GLRX2: variants seen among roughly 807,000 people sequenced by gnomAD.
GLRX2 encodes the protein glutaredoxin 2.
A neutral mutation model predicts 16.4 loss-of-function variants in GLRX2; 12 were observed. The ratio of observed to expected loss-of-function variants is 0.73; its 90% CI spans 0.47 to 1.19. GLRX2 has a LOEUF of 1.19. GLRX2 is among the 50% of genes most tolerant of loss of function. The pLI is 0.00. For missense variants in GLRX2, 201 were observed against 201.8 expected (o/e 1.00, Z 0.02); for synonymous variants, 95 against 76.2 (o/e 1.25, Z -1.28).
intron 1 of GLRX2, among the ~76,000 whole-genome samples, chr1:193,101,606 C>A (rs1675078855): frequency 6.6e-6 from 1 of 152,178 alleles, no homozygotes; most frequent in Non-Finnish European, 1.5e-5. Flanking sequence ...AGCAGGGAAT[C>A]TTCAAAGATT....
chr1:193,105,787 C>T, upstream of GLRX2: 1 of 1,345,420 alleles, frequency 7.4e-7, no homozygotes, highest in Non-Finnish European at 9.5e-7. Context: ...AAAGTGGTGC[C>T]TCAGATGTTT....
Position 193,101,022 on chromosome 1 carries a change from C to A in GLRX2, c.183+119G>T. ...AGCAGATTTTAAAATAAATATTAAT[C>A]TCTTAATTCATTTGCTAAACTATCT... is the stretch of plus-strand genomic sequence containing the variant. On this transcript the variant is annotated intron_variant, in intron 2 of 3. Transcript: ENST00000367439. The A allele has an allele frequency of 4.2e-6, 3 of 720,324 alleles. No homozygotes were observed. In the East Asian group the frequency reaches 8.0e-5, roughly 19 times the overall value. The allele number at this position is 720,324 out of a possible 1,614,324, so 44.6% of individuals were successfully genotyped here.
chr1:193,101,657 C>G (rs1675079452), intron 1 of GLRX2, among the ~76,000 whole-genome samples: 1 of 152,218 alleles, frequency 6.6e-6, no homozygotes. Context: ...TGGGCCATAG[C>G]TCCAAATTTC....
In GLRX2 at chr1:193,096,644, T is replaced by C. The variant is rs1674964714; in HGVS notation, c.476A>G (p.Lys159Arg). Residue 159 changes from lysine (K) to arginine (R), a missense_variant, in exon 4 of 4, where the codon AAG (lysine) becomes AGG (arginine). By Grantham distance (26) the Lys-to-Arg change is conservative. Transcript: ENST00000367439. ...LVHQCYLKKS[K>R]RKEFQ ...TAAACATCACTGAAATTCTTTCCTC[T>C]TACTTTTTTTTAAATAACACTGATG... 1.3e-6 allele frequency: 2 copies of C among 1,589,356 alleles called. No individual in the cohort carries two copies. The highest frequency in any genetic ancestry group is 1.7e-6 in the Non-Finnish European group (2 of 1,159,532).
rs776030642 is a variant in GLRX2 at position 193,101,165 on chromosome 1, C to T, written c.159G>A (p.Ala53=). 8.7e-6 allele frequency: 14 copies of T among 1,611,670 alleles called. No individual in the cohort carries two copies. The highest frequency in any genetic ancestry group is 1.6e-4 in the Middle Eastern group (1 of 6,076). Residue 53 remains alanine (A), a synonymous_variant, in exon 2 of 4, where the codon GCG becomes GCA. Coordinates refer to ENST00000367439, the MANE Select transcript of GLRX2 (RefSeq NM_197962.3). ...SNTSSSLENL[A]TAPVNQIQET... ...CTTGGATCTGGTTCACAGGCGCCGT[C>T]GCTAAATTCTCCAAAGATGATGATG...
At chr1:193,101,327 T>A (rs552858842) in intron 1 of GLRX2, 123 bp from the exon 2 acceptor site, 30 of 670,958 alleles carry the variant, frequency 4.5e-5, no homozygotes, top group African/African-American at 9.1e-5. Flanking sequence ...TAGAAAAAAA[T>A]TTTACTTATT....
intron 2 of GLRX2, among the ~76,000 whole-genome samples, chr1:193,099,331 G>GT (rs1022892901): frequency 4.1e-4 from 62 of 151,414 alleles, no homozygotes; most frequent in African/African-American, 1.3e-3. Context: ...ATTTGTCTAG[G>GT]TTTTTTTTTG....
intron 2 of GLRX2, among the ~76,000 whole-genome samples, chr1:193,098,717 A>T (rs1572125672): frequency 6.6e-6 from 1 of 151,862 alleles, no homozygotes; most frequent in Non-Finnish European, 1.5e-5. Context: ...ACGGCCAGTT[A>T]ATTTTTGTTT....
At chr1:193,102,261 T>C (rs1558267977) in intron 1 of GLRX2, among the ~76,000 whole-genome samples, 1 of 152,214 alleles carries the variant, frequency 6.6e-6, no homozygotes, top group Non-Finnish European at 1.5e-5. Flanking sequence ...AAAATTTAAA[T>C]GTTCTTAAAT....
Position 193,096,651 on chromosome 1 carries a change from T to G in GLRX2, c.469A>C (p.Lys157Gln). ...LPLVHQCYLK[K>Q]SKRKEFQ ...CACTGAAATTCTTTCCTCTTACTTT[T>G]TTTTAAATAACACTGATGAACTAGT... Residue 157 changes from lysine to glutamine, a missense_variant, in exon 4 of 4, where the codon AAA (lysine) becomes CAA (glutamine). By Grantham distance (53) the Lys-to-Gln change is moderately conservative. Coordinates refer to ENST00000367439, the MANE Select transcript of GLRX2 (RefSeq NM_197962.3). 3 of 1,594,736 alleles carry G rather than the reference T, an allele frequency of 1.9e-6. No homozygotes were observed. The highest frequency in any genetic ancestry group is 2.6e-6 in the Non-Finnish European group (3 of 1,163,906).
At chr1:193,105,523 G>A (rs1325657245), upstream of GLRX2, 14 of 1,505,624 alleles carry the variant, frequency 9.3e-6, no homozygotes, top group Non-Finnish European at 1.1e-5. Flanking sequence ...TCACCTCCTC[G>A]CAGCTGAGCG....
chr1:193,100,891 C>T (rs1357179480), intron 2 of GLRX2, among the ~76,000 whole-genome samples: 1 of 152,174 alleles, frequency 6.6e-6, no homozygotes, highest in Non-Finnish European at 1.5e-5. Flanking sequence ...AGCAGCCAAC[C>T]TCATTATCCA....
In GLRX2 at chr1:193,097,710, A is replaced by C. The variant is rs753051847; in HGVS notation, c.234T>G (p.Ser78=). 3.7e-6 allele frequency: 6 copies of C among 1,608,212 alleles called. No homozygotes were observed. ...AAAGCTTTTTTGCCATTGTACAGTA[A>C]GAACAGGATGTTTTTGAGAAAATCA... ...CVVIFSKTSC[S]YCTMAKKLFH... is the part of the protein sequence containing the mutation. Residue 78 remains serine (S), a synonymous_variant, in exon 3 of 4, where the codon TCT becomes TCG. Transcript: ENST00000367439.
At chr1:193,101,837 G>A (rs193201003) in intron 1 of GLRX2, among the ~76,000 whole-genome samples, 70 of 152,022 alleles carry the variant, frequency 4.6e-4, no homozygotes, top group Non-Finnish European at 7.8e-4. Flanking sequence ...CATTATCTCA[G>A]TATTTATTAT....
chr1:193,105,128 T>C (rs951903933), intron 1 of GLRX2, 136 bp downstream of exon 1: 12 of 1,317,848 alleles, frequency 9.1e-6, no homozygotes, highest in Non-Finnish European at 1.1e-5. Flanking sequence ...CTGCGTGTTA[T>C]GACTCAGAGC....
intron 1 of GLRX2, among the ~76,000 whole-genome samples, chr1:193,101,502 T>C (rs1675077035): frequency 6.6e-6 from 1 of 152,340 alleles, no homozygotes; most frequent in African/African-American, 2.4e-5. Context: ...ATTTCAAATA[T>C]TCCATCCTAT....
At chr1:193,098,521 C>G (rs998898889) in intron 2 of GLRX2, among the ~76,000 whole-genome samples, 4 of 152,018 alleles carry the variant, frequency 2.6e-5, no homozygotes, top group African/African-American at 9.7e-5. Context: ...GACTCTGTCT[C>G]AAAACAAACA....
At chr1:193,099,997 C>T (rs550058896) in intron 2 of GLRX2, among the ~76,000 whole-genome samples, 180 of 152,280 alleles carry the variant, frequency 1.2e-3, no homozygotes, top group African/African-American at 4.0e-3. Context: ...TTACAAGACA[C>T]ACTAACACCA....
At chr1:193,097,554 G>T (rs749867123) in intron 3 of GLRX2, 30 bp downstream of exon 3, 2 of 1,523,588 alleles carry the variant, frequency 1.3e-6, no homozygotes, top group Non-Finnish European at 1.8e-6. Context: ...ACCTATTAAA[G>T]AGGAACAGCA....
Sources: gnomAD v4.1 joint callset for allele counts (sites outside exome capture counted in the v4.1 genomes callset) on GRCh38, gnomAD v4.1.1 for gene constraint, MANE v1.5 for transcripts, NCBI Gene and HGNC (gene_info 2026-07-23, HGNC 2026-07-21) for gene names.